Variants in NAP1L4 observed in about 807,000 individuals in gnomAD.
NAP1L4 encodes nucleosome assembly protein 1-like 4.
A neutral mutation model predicts 58.2 loss-of-function variants in NAP1L4; 15 were observed. The observed-to-expected ratio is 0.26, with a 90% confidence interval of 0.17 to 0.40. The LOEUF is 0.40. NAP1L4 is among the 10% of genes least tolerant of loss of function. The pLI is 1.00. For synonymous variants in NAP1L4, 171 were observed against 155.6 expected, an observed-to-expected ratio of 1.10 and a Z score of -0.74; for missense variants, 384 against 451.1, an observed-to-expected ratio of 0.85 and a Z score of 1.35.
At position 2,951,202 on chromosome 11, in the gene NAP1L4, TAA is replaced by T; in HGVS notation, c.1122+55_1122+56del. ...ACTGCCTCAAAGTGGGGAACATTTT[TAA>T]AAGTCTAAGAGTGCAGCATAATAAG... On this transcript the variant is annotated intron_variant, in intron 14 of 15. Coordinates refer to ENST00000380542, the MANE Select transcript of NAP1L4 (RefSeq NM_005969.4). This position sits in a 1 kb window ranked among gnomAD's most constrained non-coding sequence, Gnocchi z 4.0. 7.2e-7 allele frequency: 1 copy of T among 1,385,372 alleles called. No homozygotes were observed. The highest frequency in any genetic ancestry group is 1.0e-6 in the Non-Finnish European group (1 of 982,666). 85.8% of individuals were successfully genotyped at this position (1,385,372 alleles called of 1,614,324 possible).
chr11:2,957,521 G>A (rs894672944), intron 10 of NAP1L4, among the ~76,000 whole-genome samples: 2 of 152,312 alleles, frequency 1.3e-5, no homozygotes, highest in East Asian at 3.9e-4. Flanking sequence ...CTGATTATCT[G>A]CAGCAGGGGC....
In NAP1L4 at chr11:2,954,423, TAAAAAGA is replaced by T; in HGVS notation, c.1035+97_1035+103del. ...ACTACATATCTGGCTGATGATGTAATAAAAAGATTAGGCATGGGGGTTTCCTAAGCCA... is the reference window on the plus strand; with the variant it reads ...ACTACATATCTGGCTGATGATGTAATTTAGGCATGGGGGTTTCCTAAGCCA... On this transcript the variant is annotated intron_variant, in intron 12 of 15. Coordinates refer to ENST00000380542, the MANE Select transcript of NAP1L4 (RefSeq NM_005969.4). This position sits in a 1 kb window ranked among gnomAD's most constrained non-coding sequence, Gnocchi z 4.8. The T allele has an allele frequency of 6.5e-7, 1 of 1,527,530 alleles. No homozygotes were observed. Among genetic ancestry groups the T allele is most frequent in the Non-Finnish European group, 9.0e-7 (1 of 1,105,578 alleles). The allele number at this position is 1,527,530 out of a possible 1,614,324, so 94.6% of individuals were successfully genotyped here.
rs187379283 is a variant in NAP1L4, at chr11:2,954,261, G to A, written c.1035+266C>T. The A allele has an allele frequency of 3.7e-6, 2 of 534,668 alleles. No homozygotes were observed. Among genetic ancestry groups the A allele is most frequent in the East Asian group, 3.3e-5 (1 of 30,740 alleles). The allele number at this position is 534,668 out of a possible 1,614,324, so 33.1% of individuals were successfully genotyped here. A position where few individuals can be genotyped will look rare whatever the true frequency, so the allele number is the denominator to read the frequency against. ...GCTTAGGTTTTGAGAGAATATTGTT[G>A]AGTCACTAGGCAGGGCTCACATAGG... is the stretch of plus-strand genomic sequence containing the variant. On this transcript the variant is annotated intron_variant, in intron 12 of 15. Coordinates refer to ENST00000380542, the MANE Select transcript of NAP1L4 (RefSeq NM_005969.4). This position sits in a 1 kb window ranked among gnomAD's most constrained non-coding sequence, Gnocchi z 4.8.
chr11:2,984,462 T>C (rs1240963801), intron 1 of NAP1L4, among the ~76,000 whole-genome samples: 1 of 152,040 alleles, frequency 6.6e-6, no homozygotes, highest in African/African-American at 2.4e-5. Flanking sequence ...TCTCAGCTAC[T>C]CAGGAGGCTG....
intron 1 of NAP1L4, among the ~76,000 whole-genome samples, chr11:2,981,376 C>T (rs528664815): frequency 2.1e-4 from 29 of 138,124 alleles, no homozygotes; most frequent in African/African-American, 7.4e-4. Flanking sequence ...TATGACTGCG[C>T]CACTGAACTC....
chr11:2,954,861 G>C lies in NAP1L4; in HGVS notation c.916-215C>G, dbSNP rs747577302. 7 of 608,830 alleles carry C rather than the reference G, an allele frequency of 1.1e-5. No homozygotes were observed. The highest frequency in any genetic ancestry group is 1.7e-5 in the Non-Finnish European group (6 of 346,916). The allele number at this position is 608,830 out of a possible 1,614,324, so 37.7% of individuals were successfully genotyped here. A position where few individuals can be genotyped will look rare whatever the true frequency, so the allele number is the denominator to read the frequency against. ...CTACTGAAGCAAAATGGCAGAGAAA[G>C]TGGGAAGTGAGGGCCCTACAGCTCC... On this transcript the variant is annotated intron_variant, in intron 11 of 15. Coordinates refer to ENST00000380542, the MANE Select transcript of NAP1L4 (RefSeq NM_005969.4). This position sits in a 1 kb window ranked among gnomAD's most constrained non-coding sequence, Gnocchi z 4.8.
Position 2,978,284 on chromosome 11 carries a change from C to A in NAP1L4, c.73G>T (p.Glu25Ter). The A allele has an allele frequency of 6.2e-7, 1 of 1,613,946 alleles. No homozygotes were observed. The highest frequency in any genetic ancestry group is 8.5e-7 in the Non-Finnish European group (1 of 1,179,868). ...AACTCTCCATGTGCAGTGGACTGAC[C>A]TGTGTTACTTGCATTTTTAGCAGCT... Reference protein sequence around the residue: ...VEAAKNASNTEKLTDQVMQNP... With the variant: ...VEAAKNASNT Residue 25 changes from glutamate (E) to a stop codon, truncating the protein, a stop_gained and splice_region_variant, in exon 3 of 16, where the codon GAA becomes TAA. Transcript: ENST00000380542. LOFTEE classifies it high-confidence loss of function.
At chr11:2,991,313 G>C in intron 1 of NAP1L4, 1 of 319,308 alleles carries the variant, frequency 3.1e-6, no homozygotes, top group Non-Finnish European at 6.5e-6. Context: ...TGAACGGAAA[G>C]CATTCAGAAG....
intron 14 of NAP1L4, among the ~76,000 whole-genome samples, chr11:2,950,284 T>A (rs538909178): frequency 6.6e-6 from 1 of 151,504 alleles, no homozygotes; most frequent in Admixed American, 6.5e-5. Context: ...GTAGTCTTTA[T>A]AAGACACATT....
At chr11:2,962,402 G>A (rs951419109) in intron 8 of NAP1L4, among the ~76,000 whole-genome samples, 13 of 152,250 alleles carry the variant, frequency 8.5e-5, no homozygotes, top group Non-Finnish European at 1.2e-4. Context: ...TGTGGCACAC[G>A]TGTGCACTGT....
chr11:2,988,796 A>G (rs572921648), intron 1 of NAP1L4, among the ~76,000 whole-genome samples: 1 of 152,340 alleles, frequency 6.6e-6, no homozygotes, highest in African/African-American at 2.4e-5. Flanking sequence ...AAGGTTACAC[A>G]GGAAGTGGTC....
chr11:2,991,693 A>G (rs1338237320), intron 1 of NAP1L4: 1 of 152,708 alleles, frequency 6.5e-6, no homozygotes, highest in African/African-American at 2.4e-5. Context: ...TCAAAACCCC[A>G]GTTAGCCCAG....
chr11:2,959,828 C>T lies in NAP1L4; in HGVS notation c.688G>A (p.Glu230Lys). ...GAAAAGGGATCAGCCTTATCTGGTTCTGATTTCATCTTGTAGGTTTTTGTC... is the reference window on the plus strand; with the variant it reads ...GAAAAGGGATCAGCCTTATCTGGTTTTGATTTCATCTTGTAGGTTTTTGTC... ...VLTKTYKMKS[E>K]PDKADPFSFE... The change falls in exon 9 of 16, where the codon GAA (glutamate) becomes AAA (lysine). Residue 230 changes from glutamate to lysine, a missense_variant. Glu to Lys is a moderately conservative substitution (Grantham distance 56, BLOSUM62 1). Transcript: ENST00000380542. The surrounding 1 kb of genome is among the most constrained non-coding windows in gnomAD (Gnocchi z 4.9). 1.2e-6 allele frequency: 2 copies of T among 1,614,206 alleles called. No individual in the cohort carries two copies. The highest frequency in any genetic ancestry group is 1.1e-5 in the South Asian group (1 of 91,090).
At chr11:2,966,665 G>T (rs1290364978) in intron 7 of NAP1L4, among the ~76,000 whole-genome samples, 2 of 152,116 alleles carry the variant, frequency 1.3e-5, no homozygotes, top group Non-Finnish European at 2.9e-5. Context: ...TGTGAAATGG[G>T]CCACACCTGC....
intron 3 of NAP1L4, among the ~76,000 whole-genome samples, chr11:2,977,245 C>CA (rs1421525336): frequency 6.6e-6 from 1 of 152,212 alleles, no homozygotes; most frequent in African/African-American, 2.4e-5. Context: ...ACGTGCCTGA[C>CA]AGATTGCTTC....
intron 1 of NAP1L4, among the ~76,000 whole-genome samples, chr11:2,983,351 G>A (rs757612005): frequency 6.6e-5 from 10 of 152,152 alleles, no homozygotes; most frequent in Non-Finnish European, 1.2e-4. Flanking sequence ...TTTAAGTGAA[G>A]GCTGTGCTTT....
chr11:2,962,027 C>T (rs1846953599), intron 8 of NAP1L4, among the ~76,000 whole-genome samples: 1 of 152,162 alleles, frequency 6.6e-6, no homozygotes, highest in Non-Finnish European at 1.5e-5. Context: ...CATAAATATG[C>T]TAACCATGCT....
At position 2,971,210 on chromosome 11, in the gene NAP1L4, T is replaced by C. The variant is rs773708390; in HGVS notation, c.402+238A>G. ...TAATCTTTGTTGGTCTGATCCCTTA[T>C]TTCAATATGCTCCTGTCCACAGATA... On this transcript the variant is annotated intron_variant, in intron 6 of 15. Transcript: ENST00000380542. The surrounding 1 kb of genome is among the most constrained non-coding windows in gnomAD (Gnocchi z 4.2). 6.6e-6 allele frequency among the ~76,000 whole-genome samples: 1 copy of C among 152,224 alleles called. No individual in the cohort carries two copies. Among genetic ancestry groups the C allele is most frequent in the Non-Finnish European group, 1.5e-5 (1 of 68,032 alleles).
At chr11:2,991,576 G>T (rs1248056925) in intron 1 of NAP1L4, among the ~76,000 whole-genome samples, 1 of 152,178 alleles carries the variant, frequency 6.6e-6, no homozygotes, top group Admixed American at 6.5e-5. Context: ...TCCTCGGGGA[G>T]CGCACGCCGC....
Sources: allele counts gnomAD v4.1 joint callset (sites outside exome capture counted in the v4.1 genomes callset), GRCh38; gene constraint gnomAD v4.1.1; non-coding constraint Gnocchi (gnomAD v3.1); transcripts MANE v1.5; gene names NCBI Gene and HGNC (gene_info 2026-07-23, HGNC 2026-07-21).